TRIO: variants seen among roughly 807,000 people sequenced by gnomAD.
The protein encoded by TRIO is triple functional domain protein.
In TRIO, 58 loss-of-function variants were observed where a neutral mutation model predicts 351.9. The ratio of observed to expected loss-of-function variants is 0.16; its 90% CI spans 0.13 to 0.21. The LOEUF (loss-of-function observed/expected upper bound fraction) is 0.21, where lower values mean the gene tolerates loss of function less well. TRIO is among the 10% of genes least tolerant of loss of function. TRIO has a pLI of 1.00. For synonymous variants in TRIO, 1,758 were observed against 1,595.7 expected (o/e 1.10, Z -2.42); for missense variants, 3,201 against 4,027.8 (o/e 0.79, Z 5.56).
intron 11 of TRIO, among the ~76,000 whole-genome samples, chr5:14,346,069 C>G (rs1388954530): frequency 6.6e-6 from 1 of 152,194 alleles, no homozygotes; most frequent in Non-Finnish European, 1.5e-5. Context: ...AATGTATTAG[C>G]TAGAGTTTTG....
intron 7 of TRIO, among the ~76,000 whole-genome samples, chr5:14,299,323 G>A (rs932967292): frequency 2.0e-5 from 3 of 152,122 alleles, no homozygotes; most frequent in South Asian, 2.1e-4. Context: ...CTGTAAGGGC[G>A]CCTGAAGTCT....
intron 37 of TRIO, among the ~76,000 whole-genome samples, 171 bp from the exon 38 acceptor site, chr5:14,471,147 T>C (rs1207972703): frequency 1.3e-5 from 2 of 152,248 alleles, no homozygotes; most frequent in Non-Finnish European, 2.9e-5. Flanking sequence ...ATTTTTTTAT[T>C]AATAGTTGGG....
At chr5:14,356,748 A>G (rs184582558) in intron 11 of TRIO, among the ~76,000 whole-genome samples, 87 of 152,356 alleles carry the variant, frequency 5.7e-4, no homozygotes, top group African/African-American at 1.5e-3. Context: ...GAAGGGATCA[A>G]TTGTGGTTTC....
intron 4 of TRIO, among the ~76,000 whole-genome samples, chr5:14,290,321 A>G (rs1238326698): frequency 6.6e-6 from 1 of 152,256 alleles, no homozygotes; most frequent in African/African-American, 2.4e-5. Flanking sequence ...GAATGGGGAG[A>G]AGAATGCATT....
At chr5:14,287,159 A>G (rs1736513719) in intron 4 of TRIO, 96 bp downstream of exon 4, 2 of 1,191,504 alleles carry the variant, frequency 1.7e-6, no homozygotes, top group East Asian at 2.4e-5. Context: ...TAAACCACAT[A>G]TTAAACAGGA....
intron 1 of TRIO, among the ~76,000 whole-genome samples, chr5:14,196,778 T>C (rs1790800620): frequency 6.6e-6 from 1 of 152,214 alleles, no homozygotes; most frequent in Non-Finnish European, 1.5e-5. Flanking sequence ...TTCTTAATAA[T>C]GTTTTGTTTG....
chr5:14,403,143 TGTG>T (rs141983223), intron 31 of TRIO, among the ~76,000 whole-genome samples: 25,307 of 105,836 alleles, frequency 0.24, 3,580 homozygotes, highest in Middle Eastern at 0.4. Context: ...GGGTGCAGGT[TGTG>T]GTGGTGAGGG....
chr5:14,156,348 C>T lies in TRIO; in HGVS notation c.157+12466C>T, dbSNP rs566610335. Among the ~76,000 whole-genome samples, 5 of 152,302 alleles carry T rather than the reference C, an allele frequency of 3.3e-5. No individual in the cohort carries two copies. In the East Asian group the frequency reaches 5.8e-4, roughly 18 times the overall value. On this transcript the variant is annotated intron_variant, in intron 1 of 56. Transcript: ENST00000344204. Reference sequence around the variant, plus strand: ...TTAGAAACACGATCTAGGCACTAAGCGTGCTCATTGCTACAGAGTTGTCCT... The same window carrying T: ...TTAGAAACACGATCTAGGCACTAAGTGTGCTCATTGCTACAGAGTTGTCCT...
At chr5:14,398,022 A>G (rs1691655372) in intron 29 of TRIO, among the ~76,000 whole-genome samples, 1 of 152,150 alleles carries the variant, frequency 6.6e-6, no homozygotes, top group African/African-American at 2.4e-5. Context: ...GAAACTCCAG[A>G]TGGGCAGACA....
At chr5:14,244,123 G>C (rs1436733672) in intron 1 of TRIO, among the ~76,000 whole-genome samples, 3 of 152,190 alleles carry the variant, frequency 2.0e-5, no homozygotes, top group African/African-American at 7.2e-5. Flanking sequence ...TCTTTGGGTA[G>C]CACACTTTAA....
chr5:14,277,056 T>A (rs1403050712), intron 2 of TRIO, among the ~76,000 whole-genome samples: 1 of 152,200 alleles, frequency 6.6e-6, no homozygotes. Context: ...TTAGTTAATG[T>A]TGTGTGGAAT....
chr5:14,162,438 A>C (rs1194730207), intron 1 of TRIO, among the ~76,000 whole-genome samples: 1 of 152,220 alleles, frequency 6.6e-6, no homozygotes, highest in African/African-American at 2.4e-5. Context: ...AGAACATTGA[A>C]GGTATCAGTT....
At chr5:14,374,720 A>G (rs1393165276) in intron 19 of TRIO, among the ~76,000 whole-genome samples, 1 of 152,216 alleles carries the variant, frequency 6.6e-6, no homozygotes, top group Non-Finnish European at 1.5e-5. Context: ...GAGAAAATAC[A>G]TCCCAATTTT....
chr5:14,291,783 C>A, intron 5 of TRIO, among the ~76,000 whole-genome samples: 2 of 60,796 alleles, frequency 3.3e-5, no homozygotes, highest in African/African-American at 7.2e-5. Context: ...AGTGAGACTC[C>A]GTCTTAAAAA....
rs199710818 is a variant in TRIO, at chr5:14,402,695, TG to T, written c.4716+1636del. Among the ~76,000 whole-genome samples the T allele has an allele frequency of 7.8e-3, 1,175 of 150,870 alleles. 10 individuals carry two copies. Among genetic ancestry groups the T allele is most frequent in the African/African-American group, 0.027 (1,107 of 40,990 alleles). The stretch of plus-strand genomic sequence containing the variant: ...GAAGGTAGTGGTATAGATTTGGTGA[TG>T]GGGGTATGGGTACAGATGGTGGCAG... On this transcript the variant is annotated intron_variant, in intron 31 of 56. Transcript: ENST00000344204.
chr5:14,257,332 C>T (rs538888545), intron 1 of TRIO, among the ~76,000 whole-genome samples: 4 of 152,096 alleles, frequency 2.6e-5, no homozygotes, highest in Admixed American at 6.5e-5. Flanking sequence ...AAGGGAGACA[C>T]GGAATTCTTA....
intron 16 of TRIO, 79 bp from the exon 17 acceptor site, chr5:14,368,626 GAGT>G (rs1220259815): frequency 1.2e-5 from 18 of 1,442,322 alleles, no homozygotes; most frequent in Admixed American, 2.1e-5. Context: ...ATGAAGAACA[GAGT>G]AACTGTAGCC....
chr5:14,377,156 GT>G (rs112812791), intron 19 of TRIO, among the ~76,000 whole-genome samples: 14,836 of 137,442 alleles, frequency 0.11, 1,126 homozygotes, highest in African/African-American at 0.23. Flanking sequence ...CATGAGGTTT[GT>G]TTTTTTTTTT....
intron 33 of TRIO, among the ~76,000 whole-genome samples, chr5:14,414,234 G>T (rs766795521): frequency 1.3e-5 from 2 of 152,224 alleles, no homozygotes. Flanking sequence ...CGCCTGTGGG[G>T]CCTGCACGGC....
Sources: gnomAD v4.1 joint callset for allele counts (sites outside exome capture counted in the v4.1 genomes callset) on GRCh38, gnomAD v4.1.1 for gene constraint, MANE v1.5 for transcripts, NCBI Gene and HGNC (gene_info 2026-07-23, HGNC 2026-07-21) for gene names.